Variants in DOCK4 observed in about 807,000 individuals in gnomAD.
DOCK4 encodes the protein dedicator of cytokinesis 4.
A neutral mutation model predicts 268.1 loss-of-function variants in DOCK4; 97 were observed. The ratio of observed to expected loss-of-function variants is 0.36; its 90% confidence interval spans 0.31 to 0.43. The LOEUF (loss-of-function observed/expected upper bound fraction) is 0.43. DOCK4 is among the 20% of genes least tolerant of loss of function. The pLI, the probability that DOCK4 is intolerant of heterozygous loss-of-function variation, is 1.00. For synonymous variants in DOCK4, 954 were observed against 887.2 expected (o/e 1.08, Z -1.34); for missense variants, 2,145 against 2,455.7 (o/e 0.87, Z 2.67).
At chr7:112,101,277 T>C (rs1810653389) in intron 1 of DOCK4, among the ~76,000 whole-genome samples, 1 of 152,256 alleles carries the variant, frequency 6.6e-6, no homozygotes, top group African/African-American at 2.4e-5. Context: ...TTTCACATGC[T>C]AGTTAAGAAA....
At chr7:111,938,912 T>A (rs1249917756) in intron 11 of DOCK4, among the ~76,000 whole-genome samples, 1 of 145,456 alleles carries the variant, frequency 6.9e-6, no homozygotes, top group Non-Finnish European at 1.5e-5. Flanking sequence ...AGGCGGAGGT[T>A]GCAGTGAGCC....
chr7:111,806,608 C>G (rs1016687176), intron 30 of DOCK4, among the ~76,000 whole-genome samples: 2 of 152,170 alleles, frequency 1.3e-5, no homozygotes, highest in Non-Finnish European at 2.9e-5. Context: ...AGAGCTAAGT[C>G]TTTATGGCTG....
At chr7:111,962,310 A>G (rs966826937) in intron 8 of DOCK4, among the ~76,000 whole-genome samples, 1 of 152,214 alleles carries the variant, frequency 6.6e-6, no homozygotes, top group African/African-American at 2.4e-5. Flanking sequence ...GGTTTTTAAA[A>G]ATAATCATTC....
chr7:112,142,342 C>T (rs962770655), intron 1 of DOCK4, among the ~76,000 whole-genome samples: 1 of 152,062 alleles, frequency 6.6e-6, no homozygotes, highest in South Asian at 2.1e-4. Context: ...GTATGTTAGG[C>T]TTGTAAGGCA....
At chr7:111,737,481 A>G (rs546259707) in intron 49 of DOCK4, among the ~76,000 whole-genome samples, 1 of 152,308 alleles carries the variant, frequency 6.6e-6, no homozygotes, top group African/African-American at 2.4e-5. Context: ...TAAAACAGAA[A>G]TAAGAATTAA....
rs756877957 is a variant in DOCK4, at chr7:111,783,842, T to C, written c.3524+15A>G. 10 of 1,585,654 alleles carry C rather than the reference T, an allele frequency of 6.3e-6. No individual in the cohort carries two copies. The highest frequency in any genetic ancestry group is 4.6e-5 in the South Asian group (4 of 86,804). Reference sequence around the variant, plus strand: ...GCATGAACTGGAGTTCAGAAAAACATGCGACTTGGCTTACCTGTAATCTAA... The same window carrying C: ...GCATGAACTGGAGTTCAGAAAAACACGCGACTTGGCTTACCTGTAATCTAA... On this transcript the variant is annotated intron_variant, in intron 34 of 52. Coordinates refer to ENST00000428084, the MANE Select transcript of DOCK4 (RefSeq NM_001363540.2).
At chr7:112,081,268 C>T (rs1450136763) in intron 1 of DOCK4, among the ~76,000 whole-genome samples, 3 of 152,138 alleles carry the variant, frequency 2.0e-5, no homozygotes, top group East Asian at 1.9e-4. Flanking sequence ...AGCATGACTC[C>T]GTTTCCACAT....
At chr7:111,958,054 T>C (rs949189386) in intron 8 of DOCK4, among the ~76,000 whole-genome samples, 3 of 152,154 alleles carry the variant, frequency 2.0e-5, no homozygotes, top group African/African-American at 7.2e-5. Context: ...ACTCAACACT[T>C]TGAGTACTCT....
intron 8 of DOCK4, among the ~76,000 whole-genome samples, chr7:111,960,541 T>C (rs1796794840): frequency 6.8e-6 from 1 of 146,464 alleles, no homozygotes; most frequent in South Asian, 2.1e-4. Context: ...TTTTTTTTTT[T>C]TTTTTTGGTG....
intron 25 of DOCK4, among the ~76,000 whole-genome samples, chr7:111,841,538 AG>A (rs1235413914): frequency 6.6e-6 from 1 of 152,160 alleles, no homozygotes; most frequent in Non-Finnish European, 1.5e-5. Flanking sequence ...GTGCAATGAC[AG>A]AGAAGGAATC....
intron 32 of DOCK4, chr7:111,784,521 T>C (rs1403011384): frequency 4.3e-6 from 2 of 463,416 alleles, no homozygotes; most frequent in African/African-American, 4.0e-5. Context: ...TATTGTACTA[T>C]CTGTGCACTC....
At chr7:112,173,727 C>A (rs1056924839) in intron 1 of DOCK4, among the ~76,000 whole-genome samples, 2 of 152,140 alleles carry the variant, frequency 1.3e-5, no homozygotes, top group Non-Finnish European at 2.9e-5. Context: ...TGGAAATGCC[C>A]AAGGGCAGGT....
chr7:112,177,915 A>G (rs747031810), intron 1 of DOCK4, among the ~76,000 whole-genome samples: 1 of 152,196 alleles, frequency 6.6e-6, no homozygotes, highest in Non-Finnish European at 1.5e-5. Flanking sequence ...CATGGGCATG[A>G]CTGGCCACGA....
At chr7:111,863,662 G>T in intron 22 of DOCK4, 98 bp from the exon 23 acceptor site, 1 of 1,214,224 alleles carries the variant, frequency 8.2e-7, no homozygotes, top group Non-Finnish European at 1.1e-6. Flanking sequence ...AAGTGTTTTT[G>T]AATGGTAGGA....
chr7:112,103,732 A>C (rs969087635), intron 1 of DOCK4, among the ~76,000 whole-genome samples: 8 of 152,140 alleles, frequency 5.3e-5, no homozygotes, highest in Non-Finnish European at 1.2e-4. Flanking sequence ...AAATACAAAA[A>C]TTAGCCAGGC....
chr7:112,105,210 T>C (rs983738614), intron 1 of DOCK4, among the ~76,000 whole-genome samples: 3 of 152,224 alleles, frequency 2.0e-5, no homozygotes, highest in African/African-American at 4.8e-5. Context: ...CTATTTTCTC[T>C]TATTTATCTG....
chr7:112,136,840 A>G (rs1814401521), intron 1 of DOCK4, among the ~76,000 whole-genome samples: 1 of 152,200 alleles, frequency 6.6e-6, no homozygotes, highest in African/African-American at 2.4e-5. Flanking sequence ...CCAGAAGGCT[A>G]GTATGTATGC....
chr7:112,182,363 T>C (rs1009651195), intron 1 of DOCK4, among the ~76,000 whole-genome samples: 1 of 152,220 alleles, frequency 6.6e-6, no homozygotes, highest in South Asian at 2.1e-4. Flanking sequence ...TGATGTAATA[T>C]TTTTTAAAAA....
intron 1 of DOCK4, among the ~76,000 whole-genome samples, chr7:112,122,741 A>G (rs1479651422): frequency 6.6e-6 from 1 of 152,114 alleles, no homozygotes; most frequent in Non-Finnish European, 1.5e-5. Context: ...TTTATCTTCT[A>G]TGTTGTTATA....
Sources: gnomAD v4.1 joint callset for allele counts (sites outside exome capture counted in the v4.1 genomes callset) on GRCh38, gnomAD v4.1.1 for gene constraint, MANE v1.5 for transcripts, NCBI Gene and HGNC (gene_info 2026-07-23, HGNC 2026-07-21) for gene names.